Variants in RBFOX1 observed in about 807,000 individuals in gnomAD.
RBFOX1 encodes the protein RNA binding protein fox-1 homolog 1.
In RBFOX1, 8 loss-of-function variants were observed where a neutral mutation model predicts 57.7. That is an observed-to-expected ratio of 0.14 (90% confidence interval 0.08 to 0.25). RBFOX1 has a LOEUF of 0.25. Among genes scored for constraint, RBFOX1 ranks in the 10% least tolerant of loss-of-function variants. The pLI, the probability that RBFOX1 is intolerant of heterozygous loss-of-function variation, is 1.00. For missense variants in RBFOX1, 611 were observed against 548.5 expected (o/e 1.11, Z -1.14); for synonymous variants, 326 against 222.4 (o/e 1.47, Z -4.15).
At chr16:6,139,785 C>T (rs371610188) in intron 1 of RBFOX1, among the ~76,000 whole-genome samples, 5 of 151,430 alleles carry the variant, frequency 3.3e-5, no homozygotes, top group Non-Finnish European at 7.4e-5. Context: ...TTTTGTTTCT[C>T]CTTCTCCTGT....
chr16:6,505,123 T>C (rs372337791), intron 2 of RBFOX1, among the ~76,000 whole-genome samples: 2 of 152,248 alleles, frequency 1.3e-5, no homozygotes, highest in Middle Eastern at 3.4e-3. Context: ...CAAATTATTT[T>C]TTTTCCTTCA....
At chr16:7,033,580 G>A (rs1319041796) in intron 3 of RBFOX1, among the ~76,000 whole-genome samples, 1 of 152,162 alleles carries the variant, frequency 6.6e-6, no homozygotes, top group Non-Finnish European at 1.5e-5. Context: ...GATCATCATG[G>A]GTGATATGCT....
At chr16:6,487,686 AAAAAAAAAAAAAAAATATATAT>A (rs2095521353) in intron 2 of RBFOX1, among the ~76,000 whole-genome samples, 1 of 21,822 alleles carries the variant, frequency 4.6e-5, no homozygotes, top group African/African-American at 1.2e-4. Context: ...AAAAAAAAAA[AAAAAAAAAAAAAAAATATATAT>A]ATATATATAT....
At chr16:6,675,952 G>A (rs2057566328) in intron 3 of RBFOX1, among the ~76,000 whole-genome samples, 1 of 152,076 alleles carries the variant, frequency 6.6e-6, no homozygotes, top group Non-Finnish European at 1.5e-5. Context: ...TGAATCTCTG[G>A]AACTTTGGAC....
At chr16:6,487,689 AAAAAAAAAAAAAT>A (rs2095523610) in intron 2 of RBFOX1, among the ~76,000 whole-genome samples, 1 of 11,674 alleles carries the variant, frequency 8.6e-5, no homozygotes, top group Non-Finnish European at 2.1e-4. Flanking sequence ...AAAAAAAAAA[AAAAAAAAAAAAAT>A]ATATATATAT....
rs372046278 is a variant in RBFOX1, at chr16:5,931,278, C to A, written c.351+63943C>A. On this transcript the variant is annotated intron_variant, in intron 4 of 19. Coordinates refer to the RBFOX1 transcript ENST00000641259. ...TAGATTCCACCTGTGTTCCTATTGA[C>A]CACCATGGGTCATTTAACTATTCTC... is the stretch of plus-strand genomic sequence containing the variant. Among the ~76,000 whole-genome samples, 11 of 152,126 alleles carry A rather than the reference C, an allele frequency of 7.2e-5. No homozygotes were observed. The East Asian group carries it at 2.1e-3, about 29-fold the overall frequency.
chr16:7,115,959 T>A (rs902939640), intron 4 of RBFOX1, among the ~76,000 whole-genome samples: 1 of 152,198 alleles, frequency 6.6e-6, no homozygotes, highest in African/African-American at 2.4e-5. Context: ...ATCAGCTGTG[T>A]ACCAAGGGTA....
At chr16:5,257,499 C>T (rs950407593) in intron 1 of RBFOX1, among the ~76,000 whole-genome samples, 1 of 152,204 alleles carries the variant, frequency 6.6e-6, no homozygotes, top group African/African-American at 2.4e-5. Flanking sequence ...TGCCTCTCTC[C>T]TCCTCTCCAA....
intron 4 of RBFOX1, among the ~76,000 whole-genome samples, chr16:7,508,347 G>C (rs61373597): frequency 0.051 from 7,753 of 152,194 alleles, 282 homozygotes; most frequent in East Asian, 0.12. Flanking sequence ...GCTTTCACCA[G>C]GGAATTGTCC....
intron 2 of RBFOX1, among the ~76,000 whole-genome samples, chr16:5,529,014 A>C (rs1293208063): frequency 6.6e-6 from 1 of 151,878 alleles, no homozygotes; most frequent in Non-Finnish European, 1.5e-5. Context: ...CAGTGGAGTA[A>C]CCACTGGCTC....
chr16:7,489,785 C>T (rs187889720), intron 4 of RBFOX1, among the ~76,000 whole-genome samples: 3 of 151,984 alleles, frequency 2.0e-5, no homozygotes, highest in Non-Finnish European at 4.4e-5. Context: ...CCTTCCAGAG[C>T]ACTGGGATTA....
chr16:6,210,332 A>G (rs1178227326), intron 1 of RBFOX1, among the ~76,000 whole-genome samples: 2 of 114,864 alleles, frequency 1.7e-5, no homozygotes, highest in African/African-American at 5.6e-5. Flanking sequence ...AAAAAAACAA[A>G]AAAACAAAAA....
intron 3 of RBFOX1, among the ~76,000 whole-genome samples, chr16:6,981,829 C>G (rs554131527): frequency 4.6e-5 from 7 of 152,096 alleles, no homozygotes; most frequent in Admixed American, 4.6e-4. Flanking sequence ...GGGGTGGGGA[C>G]ACAGCCAAGC....
intron 3 of RBFOX1, among the ~76,000 whole-genome samples, 186 bp from the exon 4 acceptor site, chr16:7,051,871 C>T (rs1050934616): frequency 2.0e-5 from 3 of 152,162 alleles, no homozygotes; most frequent in South Asian, 2.1e-4. Context: ...AGCTGTGCTT[C>T]TGAATCACAC....
intron 3 of RBFOX1, among the ~76,000 whole-genome samples, chr16:5,659,667 G>C (rs1446158476): frequency 6.6e-6 from 1 of 152,312 alleles, no homozygotes; most frequent in Admixed American, 6.5e-5. Context: ...ATAGGATTCA[G>C]GGAGTCTGAA....
At chr16:5,933,716 A>G (rs2059114790) in intron 4 of RBFOX1, among the ~76,000 whole-genome samples, 1 of 151,934 alleles carries the variant, frequency 6.6e-6, no homozygotes, top group African/African-American at 2.4e-5. Context: ...AGTTTGGGGT[A>G]GAAGATTAAT....
intron 4 of RBFOX1, among the ~76,000 whole-genome samples, chr16:7,096,164 A>C (rs1263041167): frequency 6.6e-6 from 1 of 152,236 alleles, no homozygotes; most frequent in East Asian, 1.9e-4. Flanking sequence ...GAGACAGATA[A>C]AACACAACAC....
At chr16:6,627,759 G>C (rs989825879) in intron 2 of RBFOX1, among the ~76,000 whole-genome samples, 2 of 152,208 alleles carry the variant, frequency 1.3e-5, no homozygotes, top group African/African-American at 4.8e-5. Flanking sequence ...TGGAGATTTG[G>C]TGCAGGTCGA....
intron 4 of RBFOX1, among the ~76,000 whole-genome samples, chr16:5,900,858 C>T (rs1215192617): frequency 6.6e-6 from 1 of 152,132 alleles, no homozygotes; most frequent in South Asian, 2.1e-4. Flanking sequence ...GGCCCCAGAG[C>T]CCCTATTCCA....
Sources: gnomAD v4.1 joint callset for allele counts (sites outside exome capture counted in the v4.1 genomes callset) on GRCh38, gnomAD v4.1.1 for gene constraint, MANE v1.5 for transcripts, NCBI Gene and HGNC (gene_info 2026-07-23, HGNC 2026-07-21) for gene names.